KCND3: variants seen among roughly 807,000 people sequenced by gnomAD.
KCND3 encodes potassium voltage-gated channel subfamily D member 3.
In KCND3, 9 loss-of-function variants were observed where a neutral mutation model predicts 51.1. The ratio of observed to expected loss-of-function variants is 0.18; its 90% CI spans 0.11 to 0.31. KCND3 has a LOEUF of 0.31. KCND3 is among the 10% of genes least tolerant of loss of function. The pLI is 1.00. For missense variants in KCND3, 526 were observed against 903.8 expected, an observed-to-expected ratio of 0.58 and a Z score of 5.36; for synonymous variants, 349 against 368.0, an observed-to-expected ratio of 0.95 and a Z score of 0.59.
At chr1:111,871,910 T>C (rs1429299973) in intron 2 of KCND3, among the ~76,000 whole-genome samples, 1 of 151,990 alleles carries the variant, frequency 6.6e-6, no homozygotes, top group African/African-American at 2.4e-5. Context: ...GAACTGAGCA[T>C]CAAATGCTGC....
At chr1:111,955,187 T>C (rs570851257) in intron 2 of KCND3, among the ~76,000 whole-genome samples, 2 of 152,296 alleles carry the variant, frequency 1.3e-5, no homozygotes, top group Non-Finnish European at 2.9e-5. Context: ...GGCACGAGAA[T>C]CGCTTAAGCC....
intron 2 of KCND3, among the ~76,000 whole-genome samples, chr1:111,791,464 G>A (rs1314352217): frequency 2.0e-5 from 3 of 152,206 alleles, no homozygotes; most frequent in Non-Finnish European, 4.4e-5. Context: ...CAGGAGATGC[G>A]TGATGGAAAA....
At chr1:111,879,939 G>A (rs72692577) in intron 2 of KCND3, among the ~76,000 whole-genome samples, 10,118 of 152,208 alleles carry the variant, frequency 0.066, 387 homozygotes, top group Non-Finnish European at 0.091. Flanking sequence ...GCTTGGGAGA[G>A]TTACTTAAGC....
intron 2 of KCND3, among the ~76,000 whole-genome samples, chr1:111,924,313 A>T (rs1671602207): frequency 6.6e-6 from 1 of 152,266 alleles, no homozygotes; most frequent in South Asian, 2.1e-4. Context: ...ACAGCTATAA[A>T]GTGGTCTCTG....
intron 2 of KCND3, among the ~76,000 whole-genome samples, chr1:111,927,828 G>A (rs746498033): frequency 9.9e-5 from 15 of 152,272 alleles, no homozygotes; most frequent in Non-Finnish European, 1.8e-4. Context: ...GTGAGGCCAA[G>A]CCAGGGCTCA....
intron 2 of KCND3, chr1:111,909,885 C>T (rs1056000026): frequency 6.6e-6 from 1 of 152,310 alleles, no homozygotes; most frequent in East Asian, 1.9e-4. Flanking sequence ...CCCACGTGCC[C>T]ACCTCATGGT....
intron 2 of KCND3, among the ~76,000 whole-genome samples, chr1:111,867,527 T>C (rs1668634071): frequency 6.6e-6 from 1 of 152,208 alleles, no homozygotes; most frequent in South Asian, 2.1e-4. Context: ...AGAGCATCCC[T>C]TTCCCTATGG....
intron 2 of KCND3, among the ~76,000 whole-genome samples, chr1:111,965,601 C>T (rs1352941624): frequency 6.6e-6 from 1 of 152,074 alleles, no homozygotes; most frequent in Admixed American, 6.5e-5. Context: ...TTTACACCCT[C>T]CTATAAGTTC....
rs1415256003 is a variant in KCND3 at position 111,772,835 on chromosome 1, T to G, written c.*3242A>C. ...ATAGGTGGTTTTGGGAATATTTTAT[T>G]ATGTCAAAGTGGTTCATGAACTATG... is the stretch of plus-strand genomic sequence containing the variant. On this transcript the variant is annotated 3_prime_UTR_variant, in exon 8 of 8. Coordinates refer to ENST00000302127, the MANE Select transcript of KCND3 (RefSeq NM_001378969.1). 1.3e-5 allele frequency: 2 copies of G among 152,220 alleles called. No individual in the cohort carries two copies. Among genetic ancestry groups the G allele is most frequent in the Non-Finnish European group, 2.9e-5 (2 of 68,034 alleles). The allele number at this position is 152,220 out of a possible 1,614,324, so 9.4% of individuals were successfully genotyped here.
intron 2 of KCND3, among the ~76,000 whole-genome samples, chr1:111,864,314 T>A (rs1054432022): frequency 2.0e-5 from 3 of 152,150 alleles, no homozygotes; most frequent in African/African-American, 7.2e-5. Flanking sequence ...TTGCTGTTGG[T>A]GGGGCAGCCT....
chr1:111,892,282 T>C (rs55957555), intron 2 of KCND3, among the ~76,000 whole-genome samples: 12,184 of 152,250 alleles, frequency 0.08, 535 homozygotes, highest in East Asian at 0.18. Flanking sequence ...CTCAGCCCCC[T>C]AGACTCTCTC....
intron 2 of KCND3, among the ~76,000 whole-genome samples, chr1:111,924,814 G>T (rs1437611758): frequency 6.6e-6 from 1 of 152,164 alleles, no homozygotes; most frequent in Non-Finnish European, 1.5e-5. Flanking sequence ...ATTGCTTCTG[G>T]CTATGACCCT....
rs111440670 is a variant in KCND3 at position 111,981,837 on chromosome 1, A to G, written c.890T>C (p.Ile297Thr). The part of the protein sequence containing the change: ...VTLRVFRVFR[I>T]FKFSRHSQGL... ...CTGGGAGTGGCGGGAAAACTTGAAG[A>G]TCCTGAAGACGCGGAAGACCCGGAG... is the stretch of plus-strand genomic sequence containing the variant. Residue 297 changes from isoleucine (I) to threonine (T), a missense_variant, in exon 2 of 8, where the codon ATC (isoleucine) becomes ACC (threonine). Around this residue, in one of 5 missense-constraint regions of KCND3, gnomAD observed 48 missense variants for 228.5 expected, o/e 0.21. Transcript: ENST00000302127. The surrounding 1 kb of genome is among the most constrained non-coding windows in gnomAD (Gnocchi z 6.2). 1 of 1,613,934 alleles carries G rather than the reference A, an allele frequency of 6.2e-7. No individual in the cohort carries two copies. The highest frequency in any genetic ancestry group is 8.5e-7 in the Non-Finnish European group (1 of 1,179,958).
chr1:111,916,773 C>T (rs1671237560), intron 2 of KCND3, among the ~76,000 whole-genome samples: 1 of 152,098 alleles, frequency 6.6e-6, no homozygotes, highest in African/African-American at 2.4e-5. Flanking sequence ...AACTTCATGC[C>T]AGTAAGTGTG....
intron 2 of KCND3, among the ~76,000 whole-genome samples, chr1:111,896,238 C>G (rs758137064): frequency 1.3e-5 from 2 of 152,126 alleles, no homozygotes; most frequent in African/African-American, 4.8e-5. Flanking sequence ...TGTCCACGGA[C>G]GGCATGACGT....
intron 2 of KCND3, among the ~76,000 whole-genome samples, chr1:111,866,194 T>A (rs1668556521): frequency 6.6e-6 from 1 of 151,962 alleles, no homozygotes; most frequent in Admixed American, 6.5e-5. Context: ...TTTGTTTCAT[T>A]GATTTTCTTT....
At chr1:111,904,955 G>A (rs575807519) in intron 2 of KCND3, among the ~76,000 whole-genome samples, 37 of 152,312 alleles carry the variant, frequency 2.4e-4, no homozygotes, top group African/African-American at 8.4e-4. Flanking sequence ...CACCTGCAGA[G>A]GGGGCAGCCC....
chr1:111,832,336 T>C lies in KCND3; in HGVS notation c.1107-45230A>G, dbSNP rs879860550. 7.9e-5 allele frequency among the ~76,000 whole-genome samples: 12 copies of C among 152,226 alleles called. 1 individual carries two copies. The highest frequency in any genetic ancestry group is 1.8e-4 in the Non-Finnish European group (12 of 68,036). On this transcript the variant is annotated intron_variant, in intron 2 of 7. Transcript: ENST00000302127. The stretch of plus-strand genomic sequence containing the variant: ...AAGCCTGGGACGTTGGGTGACAATG[T>C]GGACCAGATCTGGCAGTTCTTCTTT...
intron 2 of KCND3, among the ~76,000 whole-genome samples, chr1:111,788,156 C>G (rs879440225): frequency 1.3e-5 from 2 of 152,242 alleles, no homozygotes; most frequent in Non-Finnish European, 2.9e-5. Flanking sequence ...CTCTGTCCCT[C>G]CAATCAATAA....
Sources: gnomAD v4.1 joint callset for allele counts (sites outside exome capture counted in the v4.1 genomes callset) on GRCh38, gnomAD v4.1.1 for gene constraint, gnomAD v4.1.1 regional missense constraint, Gnocchi (gnomAD v3.1) non-coding constraint, MANE v1.5 for transcripts, NCBI Gene and HGNC (gene_info 2026-07-23, HGNC 2026-07-21) for gene names.